The following ZMAT4 variants were observed in gnomAD, a reference collection of about 807,000 sequenced individuals.
ZMAT4 encodes zinc finger matrin-type 4.
A neutral mutation model predicts 28.7 loss-of-function variants in ZMAT4; 17 were observed. The observed-to-expected ratio is 0.59, with a 90% CI of 0.41 to 0.89. The LOEUF (loss-of-function observed/expected upper bound fraction) is 0.89. Among genes scored for constraint, ZMAT4 ranks in the 40% least tolerant of loss-of-function variants. ZMAT4 has a pLI of 0.00. For missense variants in ZMAT4, 240 were observed against 283.8 expected (o/e 0.85, Z 1.11); for synonymous variants, 117 against 109.2 (o/e 1.07, Z -0.44).
At chr8:40,732,131 G>A (rs1265816021) in intron 3 of ZMAT4, among the ~76,000 whole-genome samples, 4 of 152,122 alleles carry the variant, frequency 2.6e-5, no homozygotes, top group African/African-American at 7.2e-5. Flanking sequence ...GAGAGTTCTA[G>A]AGACAGACAG....
chr8:40,820,495 T>TGTGTGTATGTGTGTATTG (rs1401294585), intron 2 of ZMAT4, among the ~76,000 whole-genome samples: 1 of 151,274 alleles, frequency 6.6e-6, no homozygotes, highest in Admixed American at 6.6e-5. Flanking sequence ...TGTGTGTATA[T>TGTGTGTATGTGTGTATTG]GTGTGTATGT....
intron 1 of ZMAT4, among the ~76,000 whole-genome samples, chr8:40,837,839 G>A (rs193020121): frequency 1.1e-4 from 17 of 152,312 alleles, no homozygotes; most frequent in Admixed American, 5.9e-4. Context: ...CTTTACAGAT[G>A]AGCCAACCAG....
At chr8:40,581,406 C>A in intron 5 of ZMAT4, 145 bp from the exon 6 acceptor site, 1 of 574,244 alleles carries the variant, frequency 1.7e-6, no homozygotes, top group Non-Finnish European at 3.1e-6. Context: ...CCTTGCAGAG[C>A]ACAGCCAACA....
chr8:40,825,770 A>G (rs1421469507), intron 1 of ZMAT4, 90 bp from the exon 2 acceptor site: 2 of 1,028,684 alleles, frequency 1.9e-6, no homozygotes, highest in African/African-American at 1.6e-5. Context: ...GGATCACAGT[A>G]ACAGGTCTGA....
intron 1 of ZMAT4, among the ~76,000 whole-genome samples, chr8:40,845,708 A>G (rs1361418611): frequency 6.6e-6 from 1 of 151,598 alleles, no homozygotes; most frequent in Non-Finnish European, 1.5e-5. Flanking sequence ...GGAATTGCAA[A>G]AAAAAAAAAA....
chr8:40,877,275 T>C (rs1282749653), intron 1 of ZMAT4, among the ~76,000 whole-genome samples: 4 of 152,222 alleles, frequency 2.6e-5, no homozygotes, highest in African/African-American at 9.6e-5. Flanking sequence ...CCTTCAGAAC[T>C]GGAGACAATA....
intron 5 of ZMAT4, among the ~76,000 whole-genome samples, chr8:40,617,532 A>G (rs754140270): frequency 6.6e-6 from 1 of 152,224 alleles, no homozygotes; most frequent in Non-Finnish European, 1.5e-5. Flanking sequence ...ACGCTATGCA[A>G]GCAGACACAA....
chr8:40,558,819 C>G (rs1803632710), intron 6 of ZMAT4, among the ~76,000 whole-genome samples: 1 of 152,094 alleles, frequency 6.6e-6, no homozygotes, highest in African/African-American at 2.4e-5. Context: ...GATGAGAGGT[C>G]AGATATGCCT....
At chr8:40,816,390 G>T (rs140400415) in intron 2 of ZMAT4, among the ~76,000 whole-genome samples, 26 of 152,066 alleles carry the variant, frequency 1.7e-4, no homozygotes, top group East Asian at 5.8e-4. Flanking sequence ...AAGGAAGAAA[G>T]AATTTTTTTT....
At chr8:40,829,851 G>C (rs1183429408) in intron 1 of ZMAT4, among the ~76,000 whole-genome samples, 1 of 152,096 alleles carries the variant, frequency 6.6e-6, no homozygotes, top group Non-Finnish European at 1.5e-5. Context: ...TCTTTTCCCT[G>C]GCACAGAGAA....
At chr8:40,741,361 C>T (rs766584981) in intron 3 of ZMAT4, among the ~76,000 whole-genome samples, 2 of 151,118 alleles carry the variant, frequency 1.3e-5, no homozygotes, top group Non-Finnish European at 2.9e-5. Flanking sequence ...GTAGGAGAAT[C>T]GCTTGAACCT....
At chr8:40,633,741 A>C (rs1194282905) in intron 5 of ZMAT4, among the ~76,000 whole-genome samples, 1 of 152,178 alleles carries the variant, frequency 6.6e-6, no homozygotes, top group African/African-American at 2.4e-5. Flanking sequence ...AGTGGGAATG[A>C]GATGATTCTA....
rs1415981006 is a variant in ZMAT4, at chr8:40,756,453, TATATAC to T, written c.192+11182_192+11187del. On this transcript the variant is annotated intron_variant, in intron 3 of 6. Coordinates refer to ENST00000297737, the MANE Select transcript of ZMAT4 (RefSeq NM_024645.3). ...ATATATATATATATATATATATATATATATACACACTTGTATACCTGAAAAAGAGAT... is the reference window on the plus strand; with the variant it reads ...ATATATATATATATATATATATATATACACTTGTATACCTGAAAAAGAGAT... Among the ~76,000 whole-genome samples the T allele has an allele frequency of 1.7e-4, 22 of 131,634 alleles. 1 individual carries two copies. The East Asian group carries it at 2.5e-3, about 15-fold the overall frequency. 86.4% of individuals were successfully genotyped at this position (131,634 alleles called of 152,430 possible).
chr8:40,557,225 G>A (rs1298500004), intron 6 of ZMAT4, among the ~76,000 whole-genome samples: 1 of 151,986 alleles, frequency 6.6e-6, no homozygotes, highest in Admixed American at 6.6e-5. Context: ...GCAATGATAT[G>A]GAATCAACCT....
At chr8:40,673,296 T>G (rs919787645) in intron 5 of ZMAT4, among the ~76,000 whole-genome samples, 1 of 152,214 alleles carries the variant, frequency 6.6e-6, no homozygotes, top group Non-Finnish European at 1.5e-5. Flanking sequence ...GTCCCTCCTC[T>G]CAACTCATTG....
chr8:40,760,465 G>A (rs957996588), intron 3 of ZMAT4, among the ~76,000 whole-genome samples: 2 of 152,146 alleles, frequency 1.3e-5, no homozygotes, highest in Admixed American at 6.5e-5. Flanking sequence ...CTCTAGCCCT[G>A]CTTCGCAGCA....
chr8:40,785,323 A>G (rs190093806), intron 2 of ZMAT4, among the ~76,000 whole-genome samples: 51 of 152,376 alleles, frequency 3.3e-4, no homozygotes, highest in Admixed American at 9.8e-4. Flanking sequence ...CAATTCATAA[A>G]AGACAGATTA....
chr8:40,583,912 GT>G (rs1211274252), intron 5 of ZMAT4, among the ~76,000 whole-genome samples: 2 of 152,146 alleles, frequency 1.3e-5, no homozygotes, highest in African/African-American at 4.8e-5. Context: ...CAACAGTAGG[GT>G]AGAGGAAACA....
At chr8:40,897,465 G>A (rs187923461) in intron 1 of ZMAT4, among the ~76,000 whole-genome samples, 153 of 152,330 alleles carry the variant, frequency 1.0e-3, no homozygotes, top group African/African-American at 3.4e-3. Context: ...CCTGAGCGCA[G>A]CTAATTAGGA....
Sources: gnomAD v4.1 joint callset for allele counts (sites outside exome capture counted in the v4.1 genomes callset) on GRCh38, gnomAD v4.1.1 for gene constraint, MANE v1.5 for transcripts, NCBI Gene and HGNC (gene_info 2026-07-23, HGNC 2026-07-21) for gene names.